Variants in KCNK10 observed in about 807,000 individuals in gnomAD.
The protein encoded by KCNK10 is potassium channel subfamily K member 10.
KCNK10 carries 25 observed loss-of-function variants against 47.7 expected under a neutral mutation model. That is an observed-to-expected ratio of 0.52 (90% CI 0.38 to 0.73). The LOEUF (loss-of-function observed/expected upper bound fraction) is 0.73, where lower values mean the gene tolerates loss of function less well. KCNK10 is among the 30% of genes least tolerant of loss of function. The pLI is 0.00. For missense variants in KCNK10, 563 were observed against 714.5 expected, an observed-to-expected ratio of 0.79 and a Z score of 2.42; for synonymous variants, 303 against 285.6, an observed-to-expected ratio of 1.06 and a Z score of -0.61.
intron 3 of KCNK10, chr14:88,234,919 G>A (rs1886257605): frequency 3.3e-6 from 1 of 306,758 alleles, no homozygotes; most frequent in African/African-American, 2.2e-5. Flanking sequence ...AAGAAGCTCA[G>A]AAAATGATGA....
rs1886262143 is a variant in KCNK10, at chr14:88,235,065, C to A, written c.520+5638G>T. 8.8e-6 allele frequency: 4 copies of A among 456,260 alleles called. No homozygotes were observed. The Admixed American group carries it at 9.4e-5, about 11-fold the overall frequency. 28.3% of individuals were successfully genotyped at this position (456,260 alleles called of 1,614,324 possible). A position where few individuals can be genotyped will look rare whatever the true frequency, so the allele number is the denominator to read the frequency against. Reference sequence around the variant, plus strand: ...AACATAGGATAAAGAGGGAGAGCAGCAGAAGCCACCCTGAACTTGATCTGG... The same window carrying A: ...AACATAGGATAAAGAGGGAGAGCAGAAGAAGCCACCCTGAACTTGATCTGG... On this transcript the variant is annotated intron_variant, in intron 3 of 6. Transcript: ENST00000319231.
chr14:88,236,547 T>C (rs1214520716), intron 3 of KCNK10, among the ~76,000 whole-genome samples: 1 of 152,140 alleles, frequency 6.6e-6, no homozygotes. Context: ...TATCTAACTA[T>C]AGAGCTACGA....
intron 3 of KCNK10, among the ~76,000 whole-genome samples, chr14:88,231,704 C>T (rs1003685051): frequency 6.6e-6 from 1 of 152,206 alleles, no homozygotes; most frequent in African/African-American, 2.4e-5. Context: ...GACTAGGGTG[C>T]AGTGCAGCCC....
chr14:88,246,570 T>C (rs888131980), intron 2 of KCNK10, among the ~76,000 whole-genome samples: 5 of 152,250 alleles, frequency 3.3e-5, no homozygotes, highest in Non-Finnish European at 7.3e-5. Context: ...CAAGTGAATC[T>C]TCCAAGGGCA....
chr14:88,240,881 CAA>C (rs3837636), intron 2 of KCNK10, 61 bp from the exon 3 acceptor site: 4,996 of 775,072 alleles, frequency 6.4e-3, no homozygotes, highest in East Asian at 0.013. Flanking sequence ...TTTTTTTCTT[CAA>C]AAAAAAAAAA....
chr14:88,302,014 G>C (rs1194413510), intron 1 of KCNK10, among the ~76,000 whole-genome samples: 1 of 152,218 alleles, frequency 6.6e-6, no homozygotes, highest in Non-Finnish European at 1.5e-5. Context: ...CGTGGAATGA[G>C]GGTGGCAGGA....
At chr14:88,309,964 C>G (rs1267018227) in intron 1 of KCNK10, among the ~76,000 whole-genome samples, 2 of 152,114 alleles carry the variant, frequency 1.3e-5, no homozygotes, top group East Asian at 3.9e-4. Context: ...GACTTCCCCC[C>G]TTCCCACTTG....
At chr14:88,204,710 C>T (rs1408612768) in intron 4 of KCNK10, among the ~76,000 whole-genome samples, 2 of 152,020 alleles carry the variant, frequency 1.3e-5, no homozygotes, top group Non-Finnish European at 2.9e-5. Context: ...CCATTTTATA[C>T]TTCAGTGCCT....
intron 1 of KCNK10, among the ~76,000 whole-genome samples, chr14:88,314,843 T>A (rs1240874939): frequency 6.6e-6 from 1 of 152,228 alleles, no homozygotes; most frequent in African/African-American, 2.4e-5. Context: ...GTAATCCACA[T>A]AACAAACCAA....
intron 2 of KCNK10, among the ~76,000 whole-genome samples, chr14:88,244,075 C>T (rs927961366): frequency 3.9e-5 from 6 of 152,108 alleles, no homozygotes; most frequent in South Asian, 2.1e-4. Flanking sequence ...AGCTCTCCCA[C>T]GAGTCACCAA....
intron 1 of KCNK10, among the ~76,000 whole-genome samples, chr14:88,285,884 C>G (rs754575822): frequency 6.6e-6 from 1 of 152,158 alleles, no homozygotes; most frequent in Non-Finnish European, 1.5e-5. Flanking sequence ...GAACATCGAA[C>G]CTATGTTCCC....
Position 88,310,653 on chromosome 14 carries a change from A to G in KCNK10, c.52+12094T>C, listed in dbSNP as rs370264873. ...AAACTGCGTTCTCACCCTGCCAGAG[A>G]AAGGGATCGGCACATCAGAAGCTTT... On this transcript the variant is annotated intron_variant, in intron 1 of 6. Coordinates refer to ENST00000319231, the MANE Select transcript of KCNK10 (RefSeq NM_138317.3). 1.7e-4 allele frequency among the ~76,000 whole-genome samples: 26 copies of G among 152,284 alleles called. No homozygotes were observed. In the South Asian group the frequency reaches 4.8e-3, roughly 28 times the overall value.
intron 1 of KCNK10, among the ~76,000 whole-genome samples, chr14:88,294,529 G>T (rs1887947429): frequency 6.6e-6 from 1 of 152,198 alleles, no homozygotes; most frequent in Non-Finnish European, 1.5e-5. Context: ...GATCCCACTT[G>T]GGCTGATTTC....
intron 2 of KCNK10, among the ~76,000 whole-genome samples, chr14:88,248,859 G>T (rs1205576965): frequency 6.6e-6 from 1 of 152,156 alleles, no homozygotes; most frequent in Non-Finnish European, 1.5e-5. Flanking sequence ...AGAAACTTCA[G>T]GGAAAGTTCT....
At chr14:88,316,318 G>A (rs566282532) in intron 1 of KCNK10, among the ~76,000 whole-genome samples, 10 of 151,408 alleles carry the variant, frequency 6.6e-5, no homozygotes, top group African/African-American at 1.7e-4. Flanking sequence ...ACACTCACAG[G>A]GAGAAAAAAA....
chr14:88,234,086 G>T (rs1185498295), intron 3 of KCNK10, among the ~76,000 whole-genome samples: 1 of 152,128 alleles, frequency 6.6e-6, no homozygotes, highest in African/African-American at 2.4e-5. Flanking sequence ...GGTCTTCTTG[G>T]ATCCACTACA....
At chr14:88,191,789 A>G (rs1012044220) in intron 5 of KCNK10, among the ~76,000 whole-genome samples, 21 of 152,186 alleles carry the variant, frequency 1.4e-4, no homozygotes, top group African/African-American at 4.8e-4. Flanking sequence ...TGCAGAGACA[A>G]TGGCTCTCAC....
chr14:88,259,601 C>T (rs990217573), intron 2 of KCNK10, among the ~76,000 whole-genome samples: 3 of 152,042 alleles, frequency 2.0e-5, no homozygotes, highest in South Asian at 2.1e-4. Context: ...GGACTTCAGG[C>T]GTGTGCCACC....
chr14:88,254,672 G>A (rs559366840), intron 2 of KCNK10, among the ~76,000 whole-genome samples: 1 of 152,264 alleles, frequency 6.6e-6, no homozygotes, highest in East Asian at 1.9e-4. Context: ...AAGCTTCTAA[G>A]ACAATTGCAC....
Sources: gnomAD v4.1 joint callset for allele counts (sites outside exome capture counted in the v4.1 genomes callset) on GRCh38, gnomAD v4.1.1 for gene constraint, MANE v1.5 for transcripts, NCBI Gene and HGNC (gene_info 2026-07-23, HGNC 2026-07-21) for gene names.